COL26A1: variants seen among roughly 807,000 people sequenced by gnomAD.
COL26A1 encodes the protein collagen type XXVI alpha 1 chain.
In COL26A1, 41 loss-of-function variants were observed where a neutral mutation model predicts 59.3. The ratio of observed to expected loss-of-function variants is 0.69; its 90% CI spans 0.54 to 0.90. The LOEUF is 0.90. Ranked by LOEUF, COL26A1 falls within the 40% of genes least tolerant of loss-of-function variation. The pLI, the probability that COL26A1 is intolerant of heterozygous loss-of-function variation, is 0.00. For missense variants in COL26A1, 612 were observed against 602.3 expected, an observed-to-expected ratio of 1.02 and a Z score of -0.17; for synonymous variants, 266 against 256.0, an observed-to-expected ratio of 1.04 and a Z score of -0.37.
chr7:101,556,893 GTGGATGGATGGA>G (rs145625482), intron 12 of COL26A1, among the ~76,000 whole-genome samples: 20 of 146,524 alleles, frequency 1.4e-4, no homozygotes, highest in African/African-American at 2.8e-4. Context: ...GAATGACTGA[GTGGATGGATGGA>G]TGGATGGATG....
chr7:101,450,946 A>G (rs901935999), intron 3 of COL26A1, among the ~76,000 whole-genome samples: 3 of 145,076 alleles, frequency 2.1e-5, no homozygotes, highest in Non-Finnish European at 3.0e-5. Context: ...ATAATTATAG[A>G]TATTAATTAT....
At chr7:101,419,463 G>T (rs551377725) in intron 1 of COL26A1, among the ~76,000 whole-genome samples, 30 of 152,080 alleles carry the variant, frequency 2.0e-4, no homozygotes, top group African/African-American at 7.0e-4. Flanking sequence ...GTCTCTCTCC[G>T]CTCTGTGCCT....
intron 3 of COL26A1, among the ~76,000 whole-genome samples, chr7:101,520,774 A>C (rs568081890): frequency 6.6e-6 from 1 of 151,988 alleles, no homozygotes; most frequent in East Asian, 1.9e-4. Context: ...TCTCTCTATA[A>C]GCCCCTTTAT....
intron 1 of COL26A1, among the ~76,000 whole-genome samples, chr7:101,382,360 G>A (rs1462032418): frequency 1.3e-5 from 2 of 152,112 alleles, no homozygotes; most frequent in Non-Finnish European, 2.9e-5. Flanking sequence ...TTCTCCATAG[G>A]CTGTGAGGTA....
intron 3 of COL26A1, among the ~76,000 whole-genome samples, chr7:101,515,957 C>G (rs1463693980): frequency 1.3e-5 from 2 of 152,174 alleles, no homozygotes; most frequent in East Asian, 3.9e-4. Context: ...ACAGAACTAC[C>G]TCTCAGGCAT....
At position 101,489,739 on chromosome 7, in the gene COL26A1, C is replaced by CTCTT. The variant is rs1554421211; in HGVS notation, c.385+41961_385+41964dup. On this transcript the variant is annotated intron_variant, in intron 3 of 12. Transcript: ENST00000313669. ...ATTCTTTCTTTCTCTCTCTCTTTCT[C>CTCTT]TCTTTCTTTCTTGTCTCTCTTTCTT... 5.0e-4 allele frequency among the ~76,000 whole-genome samples: 25 copies of CTCTT among 50,492 alleles called. 10 individuals are homozygous for CTCTT. The highest frequency in any genetic ancestry group is 0.023 in the Middle Eastern group (2 of 88). The allele number at this position is 50,492 out of a possible 152,430, so 33.1% of individuals were successfully genotyped here. A position where few individuals can be genotyped will look rare whatever the true frequency, so the allele number is the denominator to read the frequency against.
At chr7:101,396,387 C>A (rs923165836) in intron 1 of COL26A1, among the ~76,000 whole-genome samples, 3 of 152,176 alleles carry the variant, frequency 2.0e-5, no homozygotes, top group Non-Finnish European at 4.4e-5. Context: ...TGCCCAGCCT[C>A]AGCCTCACTT....
At chr7:101,411,155 C>G (rs910891401) in intron 1 of COL26A1, among the ~76,000 whole-genome samples, 1 of 152,300 alleles carries the variant, frequency 6.6e-6, no homozygotes, top group South Asian at 2.1e-4. Context: ...TGTGGTTGAG[C>G]TGAGTGACTG....
intron 9 of COL26A1, among the ~76,000 whole-genome samples, 194 bp from the exon 10 acceptor site, chr7:101,550,914 G>T (rs1223698918): frequency 6.6e-6 from 1 of 152,214 alleles, no homozygotes; most frequent in Non-Finnish European, 1.5e-5. Context: ...GGGGTCCCTA[G>T]TCAATAGCAG....
At position 101,374,088 on chromosome 7, in the gene COL26A1, C is replaced by T. The variant is rs148397129; in HGVS notation, c.158+10898C>T. Among the ~76,000 whole-genome samples the T allele has an allele frequency of 8.1e-3, 1,234 of 152,278 alleles. 17 individuals carry two copies. The highest frequency in any genetic ancestry group is 0.026 in the African/African-American group (1,083 of 41,552). Reference sequence around the variant, plus strand: ...CAAAGTGCTCCGGGAATTCTGCAGACAATCCTACGGAAACATACACATGCC... The same window carrying T: ...CAAAGTGCTCCGGGAATTCTGCAGATAATCCTACGGAAACATACACATGCC... On this transcript the variant is annotated intron_variant, in intron 1 of 12. Coordinates refer to ENST00000313669, the MANE Select transcript of COL26A1 (RefSeq NM_001278563.3).
chr7:101,425,701 C>T (rs1173620436), intron 2 of COL26A1, among the ~76,000 whole-genome samples: 1 of 151,780 alleles, frequency 6.6e-6, no homozygotes, highest in Admixed American at 6.6e-5. Context: ...TGGGGTTTCA[C>T]CATGTTGGCC....
intron 1 of COL26A1, 42 bp downstream of exon 1, chr7:101,363,232 G>GC (rs2116984800): frequency 1.5e-6 from 1 of 687,902 alleles, no homozygotes; most frequent in Non-Finnish European, 2.2e-6. Flanking sequence ...TGGGGGGAGG[G>GC]AGCGGACAGC....
At chr7:101,396,671 A>G (rs1171982068) in intron 1 of COL26A1, among the ~76,000 whole-genome samples, 3 of 152,114 alleles carry the variant, frequency 2.0e-5, no homozygotes, top group Non-Finnish European at 4.4e-5. Context: ...CATGTTGGCC[A>G]GGCTGGTCTT....
intron 2 of COL26A1, among the ~76,000 whole-genome samples, chr7:101,423,185 G>T (rs1461530204): frequency 6.6e-6 from 1 of 152,116 alleles, no homozygotes; most frequent in African/African-American, 2.4e-5. Flanking sequence ...AGAATTGCTT[G>T]AACCTGGGAG....
intron 3 of COL26A1, among the ~76,000 whole-genome samples, chr7:101,509,216 G>T (rs1319950025): frequency 6.6e-6 from 1 of 152,074 alleles, no homozygotes; most frequent in African/African-American, 2.4e-5. Flanking sequence ...AGGCCGAGGT[G>T]GGCGGATGAT....
chr7:101,456,669 A>T (rs11761958), intron 3 of COL26A1, among the ~76,000 whole-genome samples: 62,737 of 147,716 alleles, frequency 0.42, 13,706 homozygotes, highest in Middle Eastern at 0.53. Context: ...ATCTCAAAAA[A>T]TTATATATAT....
In COL26A1 at chr7:101,417,127, A is replaced by G. The variant is rs146004620; in HGVS notation, c.159-2850A>G. Among the ~76,000 whole-genome samples, 381 of 152,236 alleles carry G rather than the reference A, an allele frequency of 2.5e-3. 2 individuals are homozygous for G. The highest frequency in any genetic ancestry group is 0.017 in the Middle Eastern group (5 of 294). On this transcript the variant is annotated intron_variant, in intron 1 of 12. Transcript: ENST00000313669. ...AAAATTATCTCCATCTATTTGCTTT[A>G]CTATTTTTTAAGGGGATGTGATTTA...
rs551934700 is a variant in COL26A1, at chr7:101,511,813, TA to T, written c.386-21267del. ...TTTGAGACCAGCCTGGGCAACATAG[TA>T]AGACTCCATCTCTACAAAACCCCCC... On this transcript the variant is annotated intron_variant, in intron 3 of 12. Transcript: ENST00000313669. 1.6e-3 allele frequency among the ~76,000 whole-genome samples: 239 copies of T among 152,218 alleles called. 1 individual carries two copies. The highest frequency in any genetic ancestry group is 0.014 in the Admixed American group (212 of 15,276).
At chr7:101,502,492 G>T (rs993899695) in intron 3 of COL26A1, among the ~76,000 whole-genome samples, 2 of 152,208 alleles carry the variant, frequency 1.3e-5, no homozygotes, top group African/African-American at 2.4e-5. Context: ...TCCAAGAAGG[G>T]ATTGGGCTTT....
Sources: gnomAD v4.1 joint callset for allele counts (sites outside exome capture counted in the v4.1 genomes callset) on GRCh38, gnomAD v4.1.1 for gene constraint, MANE v1.5 for transcripts, NCBI Gene and HGNC (gene_info 2026-07-23, HGNC 2026-07-21) for gene names.